The following LINGO2 variants were observed in gnomAD, a reference collection of about 807,000 sequenced individuals.
LINGO2 encodes the protein leucine-rich repeat and immunoglobulin-like domain-containing nogo receptor-interacting protein 2.
LINGO2 carries 14 observed loss-of-function variants against 30.6 expected under a neutral mutation model. That is an observed-to-expected ratio of 0.46 (90% CI 0.30 to 0.72). The LOEUF (loss-of-function observed/expected upper bound fraction) is 0.72. Ranked by LOEUF, LINGO2 falls within the 30% of genes least tolerant of loss-of-function variation. The pLI, the probability that LINGO2 is intolerant of heterozygous loss-of-function variation, is 0.07. For synonymous variants in LINGO2, 317 were observed against 288.5 expected (o/e 1.10, Z -1.00); for missense variants, 729 against 751.7 (o/e 0.97, Z 0.35).
At chr9:28,243,414 C>G (rs1158530796) in intron 4 of LINGO2, among the ~76,000 whole-genome samples, 1 of 150,322 alleles carries the variant, frequency 6.7e-6, no homozygotes, top group Non-Finnish European at 1.5e-5. Flanking sequence ...GAGCCAAGAT[C>G]GTGCTACTGC....
chr9:29,076,779 G>A, the LINGO2 span, among the ~76,000 whole-genome samples: 1 of 151,800 alleles, frequency 6.6e-6, no homozygotes, highest in African/African-American at 2.4e-5. Context: ...CCTTGGACAA[G>A]CCACTTAACT....
chr9:28,771,133 T>C, the LINGO2 span, among the ~76,000 whole-genome samples: 2 of 152,204 alleles, frequency 1.3e-5, no homozygotes, highest in African/African-American at 4.8e-5. Context: ...ATCTACACTT[T>C]AAAGGTTTCC....
chr9:28,118,772 T>C (rs990961131), intron 4 of LINGO2, among the ~76,000 whole-genome samples: 3 of 152,212 alleles, frequency 2.0e-5, no homozygotes, highest in Admixed American at 1.3e-4. Context: ...CATATTATCT[T>C]ACTAGTATAT....
rs77523325 is a variant in LINGO2 at position 27,965,129 on chromosome 9, T to C, written c.-35-14423A>G. 9.2e-5 allele frequency among the ~76,000 whole-genome samples: 14 copies of C among 152,216 alleles called. No individual in the cohort carries two copies. The East Asian group carries it at 2.1e-3, about 23-fold the overall frequency. On this transcript the variant is annotated intron_variant, in intron 5 of 5. Transcript: ENST00000379992. ...AACTACAGGCAAAGACTATTAAGGA[T>C]TCCATATAATCCTGTTGAAGCAATT...
chr9:28,981,117 G>C, the LINGO2 span, among the ~76,000 whole-genome samples: 1 of 152,074 alleles, frequency 6.6e-6, no homozygotes, highest in African/African-American at 2.4e-5. Context: ...ATATTATTTT[G>C]AGATGAAGTG....
rs577109831 is a variant in LINGO2, at chr9:28,465,587, C to T, written c.-279+10353G>A. 2.0e-5 allele frequency among the ~76,000 whole-genome samples: 3 copies of T among 152,198 alleles called. No homozygotes were observed. The East Asian group carries it at 5.8e-4, about 30-fold the overall frequency. On this transcript the variant is annotated intron_variant, in intron 2 of 5. Transcript: ENST00000379992. Reference sequence around the variant, plus strand: ...GCCAGGGACTCCGCCCTCTTTTACCCAATATTTCCCTGCTTCCTGTTCATA... The same window carrying T: ...GCCAGGGACTCCGCCCTCTTTTACCTAATATTTCCCTGCTTCCTGTTCATA...
intron 1 of LINGO2, among the ~76,000 whole-genome samples, chr9:28,540,707 T>C (rs1053380805): frequency 2.6e-5 from 4 of 152,220 alleles, no homozygotes; most frequent in Non-Finnish European, 5.9e-5. Context: ...TAAAAATGTA[T>C]AGGCGTGATC....
chr9:29,110,626 GC>G, the LINGO2 span, among the ~76,000 whole-genome samples: 1 of 151,704 alleles, frequency 6.6e-6, no homozygotes, highest in Non-Finnish European at 1.5e-5. Context: ...GAGCCACCGC[GC>G]CCGGCCACAG....
At chr9:29,024,282 A>G in the LINGO2 span, among the ~76,000 whole-genome samples, 1 of 152,124 alleles carries the variant, frequency 6.6e-6, no homozygotes, top group African/African-American at 2.4e-5. Context: ...CTATTAAAGG[A>G]ATATTAACAA....
chr9:28,674,505 T>G (rs756129630), upstream of LINGO2, among the ~76,000 whole-genome samples: 1 of 152,244 alleles, frequency 6.6e-6, no homozygotes, highest in Non-Finnish European at 1.5e-5. Context: ...GATAAAAGAC[T>G]TGAAAACCCC....
chr9:28,913,750 T>C, the LINGO2 span, among the ~76,000 whole-genome samples: 3 of 152,166 alleles, frequency 2.0e-5, no homozygotes, highest in Admixed American at 1.3e-4. Context: ...TATTACATAT[T>C]CACTACTTAA....
intron 3 of LINGO2, among the ~76,000 whole-genome samples, chr9:28,321,720 T>C (rs1485533133): frequency 6.6e-6 from 1 of 152,196 alleles, no homozygotes; most frequent in African/African-American, 2.4e-5. Context: ...AATTTCATTG[T>C]TGATCTGCCT....
chr9:28,038,311 G>A (rs1227363258), intron 4 of LINGO2, among the ~76,000 whole-genome samples: 1 of 152,150 alleles, frequency 6.6e-6, no homozygotes, highest in African/African-American at 2.4e-5. Context: ...AGAAGAGGAT[G>A]TGGGAAACTA....
intron 1 of LINGO2, among the ~76,000 whole-genome samples, chr9:28,506,421 TAC>T (rs1235639387): frequency 2.1e-3 from 11 of 5,142 alleles, no homozygotes; most frequent in African/African-American, 3.9e-3. Context: ...TATATATATA[TAC>T]ACACACACAC....
chr9:28,932,596 T>G, the LINGO2 span, among the ~76,000 whole-genome samples: 1 of 152,214 alleles, frequency 6.6e-6, no homozygotes, highest in Non-Finnish European at 1.5e-5. Context: ...TCGTGAGTTC[T>G]AAAACGGTTT....
At chr9:28,851,435 T>C in the LINGO2 span, among the ~76,000 whole-genome samples, 2 of 152,082 alleles carry the variant, frequency 1.3e-5, no homozygotes, top group Non-Finnish European at 2.9e-5. Flanking sequence ...CCTGTGATTA[T>C]ATTGGGTCTA....
intron 1 of LINGO2, among the ~76,000 whole-genome samples, chr9:28,649,729 C>G (rs1235302968): frequency 6.6e-6 from 1 of 151,722 alleles, no homozygotes; most frequent in Non-Finnish European, 1.5e-5. Flanking sequence ...AAACTAATCA[C>G]TGGGTTGGGA....
chr9:28,085,790 T>C (rs1825895558), intron 4 of LINGO2, among the ~76,000 whole-genome samples: 3 of 152,050 alleles, frequency 2.0e-5, no homozygotes, highest in African/African-American at 2.4e-5. Flanking sequence ...TCCTCAAGAA[T>C]AGTGTGTGGT....
the LINGO2 span, among the ~76,000 whole-genome samples, chr9:28,989,825 G>T: frequency 6.6e-6 from 1 of 152,166 alleles, no homozygotes; most frequent in Non-Finnish European, 1.5e-5. Flanking sequence ...GTAAATGTTT[G>T]CACATAAAAT....
Sources: gnomAD v4.1 joint callset for allele counts (sites outside exome capture counted in the v4.1 genomes callset) on GRCh38, gnomAD v4.1.1 for gene constraint, MANE v1.5 for transcripts, NCBI Gene and HGNC (gene_info 2026-07-23, HGNC 2026-07-21) for gene names.